Variants in USP6NL observed in about 807,000 individuals in gnomAD.
USP6NL encodes the protein USP6 N-terminal-like protein.
Under a neutral mutation model 61.9 loss-of-function variants are expected in USP6NL, and 26 were observed. The observed-to-expected ratio is 0.42, with a 90% CI of 0.31 to 0.58. USP6NL has a LOEUF of 0.58. USP6NL is among the 20% of genes least tolerant of loss of function. The pLI, the probability that USP6NL is intolerant of heterozygous loss-of-function variation, is 0.16. For missense variants in USP6NL, 1,114 were observed against 1,034.3 expected (o/e 1.08, Z -1.06); for synonymous variants, 432 against 390.1 (o/e 1.11, Z -1.27).
intron 2 of USP6NL, among the ~76,000 whole-genome samples, chr10:11,588,552 C>T (rs1838054392): frequency 6.6e-6 from 1 of 151,954 alleles, no homozygotes; most frequent in South Asian, 2.1e-4. Context: ...TAAAGTTGGA[C>T]TGGTTGGCAA....
At chr10:11,486,856 TC>T (rs2133246437) in intron 10 of USP6NL, among the ~76,000 whole-genome samples, 1 of 152,292 alleles carries the variant, frequency 6.6e-6, no homozygotes, top group South Asian at 2.1e-4. Flanking sequence ...CCCCAGAAAG[TC>T]TGCTGCCCCA....
Position 11,481,812 on chromosome 10 carries a change from T to C in USP6NL, c.1036A>G (p.Met346Val). 1.9e-6 allele frequency: 3 copies of C among 1,613,436 alleles called. No individual in the cohort carries two copies. The highest frequency in any genetic ancestry group is 2.5e-6 in the Non-Finnish European group (3 of 1,179,640). ...DFVIEQLQIS[M>V]TELKRAKLDL... ...AACTTTGCCCGCTTTAGTTCTGTCA[T>C]AGAAATCTGAAGTTGCTCTATCACA... Residue 346 changes from methionine (M) to valine (V), a missense_variant, in exon 14 of 15, where the codon ATG (methionine) becomes GTG (valine). Met to Val is a conservative substitution (Grantham distance 21). Coordinates refer to ENST00000609104, the MANE Select transcript of USP6NL (RefSeq NM_014688.5). This position sits in a 1 kb window ranked among gnomAD's most constrained non-coding sequence, Gnocchi z 4.4.
chr10:11,564,114 G>A (rs1199287242), intron 2 of USP6NL: 2 of 152,122 alleles, frequency 1.3e-5, no homozygotes, highest in African/African-American at 2.4e-5. Context: ...CATTAAAAGC[G>A]CTCCATGACT....
rs2133375514 is a variant in USP6NL at position 11,518,435 on chromosome 10, C to T, written c.195+100G>A. ...AAATCTAACAATGACTGTACCATTC[C>T]CATATAATATGGCACTTAAAATCAC... is the stretch of plus-strand genomic sequence containing the variant. On this transcript the variant is annotated intron_variant, in intron 5 of 14. Transcript: ENST00000609104. This position sits in a 1 kb window ranked among gnomAD's most constrained non-coding sequence, Gnocchi z 5.3. 1 of 1,000,284 alleles carries T rather than the reference C, an allele frequency of 1.0e-6. No homozygotes were observed. The highest frequency in any genetic ancestry group is 2.4e-5 in the East Asian group (1 of 41,872). The allele number at this position is 1,000,284 out of a possible 1,614,324, so 62.0% of individuals were successfully genotyped here.
Position 11,462,282 on chromosome 10 carries a change from C to T in USP6NL, c.*159G>A, listed in dbSNP as rs2096217386. 4.7e-6 allele frequency: 4 copies of T among 857,204 alleles called. No individual in the cohort carries two copies. Among genetic ancestry groups the T allele is most frequent in the South Asian group, 1.9e-5 (1 of 52,832 alleles). The allele number at this position is 857,204 out of a possible 1,614,324, so 53.1% of individuals were successfully genotyped here. A position where few individuals can be genotyped will look rare whatever the true frequency, so the allele number is the denominator to read the frequency against. On this transcript the variant is annotated 3_prime_UTR_variant, in exon 15 of 15. Coordinates refer to ENST00000609104, the MANE Select transcript of USP6NL (RefSeq NM_014688.5). Reference sequence around the variant, plus strand: ...AAACGCTCATCTTAAGCAGCATCTACGTGGGGCTGAAGACATTTCCCTGTA... The same window carrying T: ...AAACGCTCATCTTAAGCAGCATCTATGTGGGGCTGAAGACATTTCCCTGTA...
chr10:11,486,724 A>G (rs1053270061), intron 10 of USP6NL, among the ~76,000 whole-genome samples: 3 of 152,172 alleles, frequency 2.0e-5, no homozygotes, highest in African/African-American at 7.2e-5. Flanking sequence ...ACACATTTAC[A>G]TCCTTCTTAG....
Position 11,496,516 on chromosome 10 carries a change from C to A in USP6NL, c.385-3288G>T, listed in dbSNP as rs757876586. ...TTGCCTTTTTATAATAAAAACTCTG[C>A]TATCAATTTAGTGGCATTTCAAGGG... On this transcript the variant is annotated intron_variant, in intron 7 of 14. Transcript: ENST00000609104. The surrounding 1 kb of genome is among the most constrained non-coding windows in gnomAD (Gnocchi z 5.4). Among the ~76,000 whole-genome samples the A allele has an allele frequency of 5.7e-4, 87 of 152,150 alleles. 3 individuals carry two copies. The highest frequency in any genetic ancestry group is 2.5e-4 in the Non-Finnish European group (17 of 68,020).
Position 11,485,814 on chromosome 10 carries a change from T to C in USP6NL, c.759+3A>G, listed in dbSNP as rs1833440724. On this transcript the variant is annotated splice_donor_region_variant and intron_variant, in intron 11 of 14. Transcript: ENST00000609104. The surrounding 1 kb of genome is among the most constrained non-coding windows in gnomAD (Gnocchi z 4.8). ...GGTGTAAGTCAGTGGCACATCTACC[T>C]ACCAAGTGTTGCTTAAGCTTGGACA... The C allele has an allele frequency of 6.5e-7, 1 of 1,546,488 alleles. No homozygotes were observed. The highest frequency in any genetic ancestry group is 1.4e-5 in the African/African-American group (1 of 73,182).
At chr10:11,577,776 C>T (rs1000145652) in intron 2 of USP6NL, among the ~76,000 whole-genome samples, 1 of 151,980 alleles carries the variant, frequency 6.6e-6, no homozygotes, top group Non-Finnish European at 1.5e-5. Context: ...ACTGGGATTA[C>T]AGGTGTGAGC....
In USP6NL at chr10:11,482,674, A is replaced by C. The variant is rs1249565911; in HGVS notation, c.926-752T>G. Among the ~76,000 whole-genome samples the C allele has an allele frequency of 6.6e-6, 1 of 152,336 alleles. No homozygotes were observed. Among genetic ancestry groups the C allele is most frequent in the South Asian group, 2.1e-4 (1 of 4,830 alleles). On this transcript the variant is annotated intron_variant, in intron 13 of 14. Coordinates refer to ENST00000609104, the MANE Select transcript of USP6NL (RefSeq NM_014688.5). The surrounding 1 kb of genome is among the most constrained non-coding windows in gnomAD (Gnocchi z 4.0). ...TATATGTAAGCATTGTAATTTACTT[A>C]AACAGTCTTCTATTAATGGTCATTT...
At chr10:11,583,884 C>A (rs950001459) in intron 2 of USP6NL, among the ~76,000 whole-genome samples, 2 of 152,060 alleles carry the variant, frequency 1.3e-5, no homozygotes, top group African/African-American at 4.8e-5. Flanking sequence ...CAAAAATCAG[C>A]CAAGTGTGGT....
At chr10:11,497,264 A>G (rs2133290682) in intron 7 of USP6NL, among the ~76,000 whole-genome samples, 1 of 151,854 alleles carries the variant, frequency 6.6e-6, no homozygotes, top group Middle Eastern at 3.4e-3. Context: ...GAAAAAAAAT[A>G]ACCGGGCATG....
intron 6 of USP6NL, among the ~76,000 whole-genome samples, chr10:11,505,840 G>C (rs1360393318): frequency 2.6e-5 from 4 of 152,192 alleles, no homozygotes; most frequent in African/African-American, 9.7e-5. Context: ...TGTGCGCCAT[G>C]AAACAGAGGC....
rs954111260 is a variant in USP6NL, at chr10:11,574,310, A to T, written c.4+23321T>A. On this transcript the variant is annotated intron_variant, in intron 2 of 14. Coordinates refer to ENST00000609104, the MANE Select transcript of USP6NL (RefSeq NM_014688.5). This position sits in a 1 kb window ranked among gnomAD's most constrained non-coding sequence, Gnocchi z 4.3. ...ATAAATTCCTTGTCCTCCTCCTCACATATACACCTCTGACATCCCAGTCCA... is the reference window on the plus strand; with the variant it reads ...ATAAATTCCTTGTCCTCCTCCTCACTTATACACCTCTGACATCCCAGTCCA... Among the ~76,000 whole-genome samples, 1 of 152,190 alleles carries T rather than the reference A, an allele frequency of 6.6e-6. No homozygotes were observed. Among genetic ancestry groups the T allele is most frequent in the Non-Finnish European group, 1.5e-5 (1 of 68,030 alleles).
chr10:11,562,401 C>T lies in USP6NL; in HGVS notation c.5-34834G>A. Reference sequence around the variant, plus strand: ...ACACCAACTTCAGATTTCCCCTTTTCCTTTTTCTTCTTGCTTGGCTCTTGG... The same window carrying T: ...ACACCAACTTCAGATTTCCCCTTTTTCTTTTTCTTCTTGCTTGGCTCTTGG... On this transcript the variant is annotated intron_variant, in intron 2 of 14. Transcript: ENST00000609104. This position sits in a 1 kb window ranked among gnomAD's most constrained non-coding sequence, Gnocchi z 4.8. 1.0e-6 allele frequency: 1 copy of T among 985,410 alleles called. No homozygotes were observed. Among genetic ancestry groups the T allele is most frequent in the Non-Finnish European group, 1.2e-6 (1 of 829,912 alleles). The allele number at this position is 985,410 out of a possible 1,614,324, so 61.0% of individuals were successfully genotyped here.
At position 11,463,452 on chromosome 10, in the gene USP6NL, G is replaced by A. The variant is rs774836112; in HGVS notation, c.1476C>T (p.Asp492=). The A allele has an allele frequency of 2.5e-6, 4 of 1,613,956 alleles. No individual in the cohort carries two copies. The highest frequency in any genetic ancestry group is 1.6e-4 in the Middle Eastern group (1 of 6,084). Residue 492 remains aspartate, a synonymous_variant, in exon 15 of 15, where the codon GAC becomes GAT. Coordinates refer to ENST00000609104, the MANE Select transcript of USP6NL (RefSeq NM_014688.5). The surrounding 1 kb of genome is among the most constrained non-coding windows in gnomAD (Gnocchi z 6.3). ...EFVPKWNKPS[D]VSATERTAKY... ...TGGCAGTTCTCTCTGTAGCTGAGAC[G>A]TCTGACGGTTTATTCCATTTGGGCA...
chr10:11,555,035 A>G (rs1395306043), intron 2 of USP6NL, among the ~76,000 whole-genome samples: 2 of 138,664 alleles, frequency 1.4e-5, no homozygotes, highest in Non-Finnish European at 3.0e-5. Context: ...CGATCTCCTG[A>G]CCTCATGATC....
At chr10:11,509,486 C>G in intron 6 of USP6NL, 109 bp downstream of exon 6, 1 of 1,123,432 alleles carries the variant, frequency 8.9e-7, no homozygotes, top group Non-Finnish European at 1.2e-6. Flanking sequence ...ACCAAAATTT[C>G]AAAACCAAAT....
At chr10:11,573,488 G>A in intron 2 of USP6NL, 1 of 394,896 alleles carries the variant, frequency 2.5e-6, no homozygotes, top group East Asian at 3.6e-5. Context: ...TAATATATCA[G>A]AAATGCAAAA....
Sources: gnomAD v4.1 joint callset for allele counts (sites outside exome capture counted in the v4.1 genomes callset) on GRCh38, gnomAD v4.1.1 for gene constraint, Gnocchi (gnomAD v3.1) non-coding constraint, MANE v1.5 for transcripts, NCBI Gene and HGNC (gene_info 2026-07-23, HGNC 2026-07-21) for gene names.